The following PNPLA8 variants were observed in gnomAD, a reference collection of about 807,000 sequenced individuals.
PNPLA8 encodes patatin like domain 8, phospholipase A2.
A neutral mutation model predicts 76.9 loss-of-function variants in PNPLA8; 39 were observed. The ratio of observed to expected loss-of-function variants is 0.51; its 90% confidence interval spans 0.39 to 0.66. The LOEUF (loss-of-function observed/expected upper bound fraction) is 0.66. Ranked by LOEUF, PNPLA8 falls within the 30% of genes least tolerant of loss-of-function variation. The pLI is 0.00. For missense variants in PNPLA8, 887 were observed against 918.0 expected (o/e 0.97, Z 0.44); for synonymous variants, 301 against 307.9 (o/e 0.98, Z 0.24).
At position 108,515,538 on chromosome 7, in the gene PNPLA8, C is replaced by T. The variant is rs531227404; in HGVS notation, c.-47G>A. On this transcript the variant is annotated 5_prime_UTR_variant, in exon 3 of 11. Coordinates refer to ENST00000257694, the MANE Select transcript of PNPLA8 (RefSeq NM_001256007.3). ...CTATGACATTCTCTCACTTCTTGAACGCTTCATTTAAGAAATGCCATAATT... is the reference window on the plus strand; with the variant it reads ...CTATGACATTCTCTCACTTCTTGAATGCTTCATTTAAGAAATGCCATAATT... 76 of 1,318,950 alleles carry T rather than the reference C, an allele frequency of 5.8e-5. No homozygotes were observed. The South Asian group carries it at 7.0e-4, about 12-fold the overall frequency. 81.7% of individuals were successfully genotyped at this position (1,318,950 alleles called of 1,614,324 possible).
At position 108,472,294 on chromosome 7, in the gene PNPLA8, T is replaced by C. The variant is rs966903271; in HGVS notation, c.*107A>G. On this transcript the variant is annotated 3_prime_UTR_variant, in exon 11 of 11. Transcript: ENST00000257694. The stretch of plus-strand genomic sequence containing the variant: ...CCGTCTTTTTCAGGATTCTCCAGAA[T>C]TCATACGTATTTCAAAGTTAACTCA... 4.0e-6 allele frequency: 3 copies of C among 749,720 alleles called. No individual in the cohort carries two copies. Among genetic ancestry groups the C allele is most frequent in the African/African-American group, 3.5e-5 (2 of 56,344 alleles). 46.4% of individuals were successfully genotyped at this position (749,720 alleles called of 1,614,324 possible).
At chr7:108,516,588 G>A (rs1471386931) in intron 2 of PNPLA8, among the ~76,000 whole-genome samples, 2 of 152,140 alleles carry the variant, frequency 1.3e-5, no homozygotes, top group Non-Finnish European at 2.9e-5. Flanking sequence ...GAAAAAATTG[G>A]TAAGGTAGAC....
upstream of PNPLA8, among the ~76,000 whole-genome samples, chr7:108,526,550 C>G (rs554775222): frequency 2.0e-4 from 31 of 152,234 alleles, no homozygotes; most frequent in Non-Finnish European, 4.3e-4. Flanking sequence ...CTCCGCGTCC[C>G]TGAAGCCCCT....
intron 4 of PNPLA8, among the ~76,000 whole-genome samples, chr7:108,505,420 C>T (rs1375023516): frequency 4.0e-5 from 5 of 124,886 alleles, no homozygotes; most frequent in African/African-American, 1.3e-4. Context: ...TGGAGTGCAG[C>T]GGCGTGATCT....
chr7:108,490,613 C>T (rs1861084336), intron 8 of PNPLA8, among the ~76,000 whole-genome samples: 1 of 152,022 alleles, frequency 6.6e-6, no homozygotes, highest in African/African-American at 2.4e-5. Flanking sequence ...GAAACCCTGT[C>T]TCTACTAAAA....
At chr7:108,503,406 T>C (rs1428693847) in intron 4 of PNPLA8, among the ~76,000 whole-genome samples, 2 of 152,176 alleles carry the variant, frequency 1.3e-5, no homozygotes, top group Non-Finnish European at 2.9e-5. Flanking sequence ...TATCACTCAT[T>C]TTGTTTCTTT....
At chr7:108,484,463 C>T (rs1162383679) in intron 9 of PNPLA8, among the ~76,000 whole-genome samples, 1 of 152,018 alleles carries the variant, frequency 6.6e-6, no homozygotes, top group Non-Finnish European at 1.5e-5. Context: ...TGAGCTCAAG[C>T]GATCCTCCAG....
intron 4 of PNPLA8, among the ~76,000 whole-genome samples, chr7:108,504,107 C>T (rs1052228874): frequency 6.6e-6 from 1 of 152,212 alleles, no homozygotes; most frequent in African/African-American, 2.4e-5. Context: ...AACTGTAATA[C>T]AGCCTTGATC....
chr7:108,521,041 T>C (rs1863699120), intron 2 of PNPLA8, among the ~76,000 whole-genome samples: 1 of 152,034 alleles, frequency 6.6e-6, no homozygotes, highest in African/African-American at 2.4e-5. Context: ...GGCAATGGGA[T>C]CCTACACCAA....
At chr7:108,526,808 C>T (rs960961722), upstream of PNPLA8, among the ~76,000 whole-genome samples, 3 of 152,236 alleles carry the variant, frequency 2.0e-5, no homozygotes, top group Non-Finnish European at 2.9e-5. Context: ...GGGCAAACTA[C>T]AGCCCTCAGG....
At chr7:108,522,456 C>T (rs1863814532) in intron 1 of PNPLA8, among the ~76,000 whole-genome samples, 1 of 152,154 alleles carries the variant, frequency 6.6e-6, no homozygotes, top group Admixed American at 6.5e-5. Context: ...CAACCAACCG[C>T]CAATTAGAAA....
At chr7:108,499,698 G>A (rs912938669) in intron 5 of PNPLA8, among the ~76,000 whole-genome samples, 13 of 152,008 alleles carry the variant, frequency 8.6e-5, no homozygotes. Flanking sequence ...TGTCCTTTAG[G>A]GAGCAAAATC....
intron 8 of PNPLA8, among the ~76,000 whole-genome samples, chr7:108,490,577 A>G (rs776955479): frequency 4.6e-5 from 7 of 152,122 alleles, no homozygotes; most frequent in Non-Finnish European, 8.8e-5. Context: ...AGGTCAGGAG[A>G]TCGAGACTAT....
chr7:108,522,432 G>C (rs1863811869), intron 1 of PNPLA8, among the ~76,000 whole-genome samples: 1 of 151,988 alleles, frequency 6.6e-6, no homozygotes, highest in Non-Finnish European at 1.5e-5. Flanking sequence ...TTCTTCTACT[G>C]ATAGTAACTC....
chr7:108,506,508 T>C (rs530932557), intron 4 of PNPLA8, among the ~76,000 whole-genome samples: 1 of 152,286 alleles, frequency 6.6e-6, no homozygotes, highest in African/African-American at 2.4e-5. Context: ...ACGTTACAAA[T>C]ATGCTCACTC....
intron 5 of PNPLA8, among the ~76,000 whole-genome samples, chr7:108,498,226 T>C (rs899911745): frequency 3.3e-5 from 5 of 151,854 alleles, no homozygotes; most frequent in African/African-American, 1.2e-4. Flanking sequence ...ACTAACATAG[T>C]TGGTCACCTA....
chr7:108,488,053 A>C (rs1860875642), intron 8 of PNPLA8, 100 bp from the exon 9 acceptor site: 1 of 564,318 alleles, frequency 1.8e-6, no homozygotes, highest in Admixed American at 3.3e-5. Context: ...ACAATCTACA[A>C]CTATATGTGT....
At chr7:108,521,918 T>G (rs1410947795) in intron 1 of PNPLA8, among the ~76,000 whole-genome samples, 2 of 152,156 alleles carry the variant, frequency 1.3e-5, no homozygotes, top group East Asian at 3.9e-4. Flanking sequence ...GAAAATCTAG[T>G]TCAGGCCACG....
intron 5 of PNPLA8, among the ~76,000 whole-genome samples, 191 bp downstream of exon 5, chr7:108,502,300 G>A (rs896099798): frequency 2.0e-4 from 30 of 151,672 alleles, no homozygotes; most frequent in Admixed American, 5.3e-4. Context: ...AAAATTAGCC[G>A]GGTATGGTGG....
Sources: allele counts gnomAD v4.1 joint callset (sites outside exome capture counted in the v4.1 genomes callset), GRCh38; gene constraint gnomAD v4.1.1; transcripts MANE v1.5; gene names NCBI Gene and HGNC (gene_info 2026-07-23, HGNC 2026-07-21).